Variants in TET2 observed in about 807,000 individuals in gnomAD.
TET2 encodes the protein methylcytosine dioxygenase TET2.
A neutral mutation model predicts 142.9 loss-of-function variants in TET2; 299 were observed. That is an observed-to-expected ratio of 2.09 (90% CI 1.90 to 2.30). The LOEUF is 2.30. TET2 is among the 30% of genes most tolerant of loss of function. The pLI is 0.00. For synonymous variants in TET2, 819 were observed against 849.0 expected, an observed-to-expected ratio of 0.96 and a Z score of 0.61; for missense variants, 2,418 against 2,378.0, an observed-to-expected ratio of 1.02 and a Z score of -0.35.
intron 1 of TET2, among the ~76,000 whole-genome samples, chr4:105,163,821 GA>G (rs1723983888): frequency 2.4e-5 from 2 of 83,424 alleles, no homozygotes; most frequent in Non-Finnish European, 4.6e-5. Context: ...GAGAGAGAGA[GA>G]GAGAGAGAGA....
At chr4:105,160,925 G>A (rs1025319587) in intron 1 of TET2, among the ~76,000 whole-genome samples, 5 of 152,038 alleles carry the variant, frequency 3.3e-5, no homozygotes, top group African/African-American at 9.7e-5. Flanking sequence ...ACAGGCACTC[G>A]CCACCACGCC....
intron 2 of TET2, among the ~76,000 whole-genome samples, chr4:105,220,546 C>G (rs186664385): frequency 1.2e-3 from 182 of 152,272 alleles, no homozygotes; most frequent in Non-Finnish European, 2.0e-3. Context: ...TCCCCTCCCC[C>G]TCTACCGTGA....
chr4:105,176,802 A>G (rs1188187266), intron 1 of TET2, among the ~76,000 whole-genome samples: 1 of 152,174 alleles, frequency 6.6e-6, no homozygotes, highest in African/African-American at 2.4e-5. Context: ...AGAGCAGAAT[A>G]GCCAACTCAG....
At chr4:105,253,990 G>T (rs563171843) in intron 6 of TET2, among the ~76,000 whole-genome samples, 125 of 152,138 alleles carry the variant, frequency 8.2e-4, no homozygotes, top group African/African-American at 2.8e-3. Flanking sequence ...TTCAAATTTT[G>T]AACTAGACTG....
chr4:105,165,940 G>A (rs1724129207), intron 1 of TET2, among the ~76,000 whole-genome samples: 1 of 152,134 alleles, frequency 6.6e-6, no homozygotes, highest in African/African-American at 2.4e-5. Context: ...TGTAAGATGT[G>A]AAAGTTAATA....
In TET2 at chr4:105,236,536, T is replaced by C. The variant is rs1159720228; in HGVS notation, c.2594T>C (p.Met865Thr). 2 of 1,614,030 alleles carry C rather than the reference T, an allele frequency of 1.2e-6. No homozygotes were observed. ...AACAAGACCCAAAACTTGCATCACATGCAATATTTTCCAAATAATGTGATC... is the reference window on the plus strand; with the variant it reads ...AACAAGACCCAAAACTTGCATCACACGCAATATTTTCCAAATAATGTGATC... ...AGNKTQNLHH[M>T]QYFPNNVIPK... The change falls in exon 3 of 11, where the codon ATG (methionine) becomes ACG (threonine). Residue 865 changes from methionine to threonine, a missense_variant. Physicochemically the swap from Met to Thr is moderately conservative, Grantham distance 81 (BLOSUM62 -1). Transcript: ENST00000380013.
chr4:105,152,842 C>T (rs1379969781), intron 1 of TET2, among the ~76,000 whole-genome samples: 1 of 152,116 alleles, frequency 6.6e-6, no homozygotes, highest in African/African-American at 2.4e-5. Flanking sequence ...GGTGATCTGC[C>T]TGCCCGGGTC....
chr4:105,253,423 G>T (rs779049569), intron 6 of TET2, among the ~76,000 whole-genome samples: 13 of 152,046 alleles, frequency 8.6e-5, no homozygotes, highest in Non-Finnish European at 1.8e-4. Flanking sequence ...TTGGGGGGGT[G>T]CTAATGGTAA....
intron 6 of TET2, among the ~76,000 whole-genome samples, chr4:105,252,331 T>C (rs1408153415): frequency 6.6e-6 from 1 of 152,212 alleles, no homozygotes; most frequent in Non-Finnish European, 1.5e-5. Context: ...GCTTTTAAAT[T>C]TTCCACCATG....
chr4:105,225,671 G>T (rs1227268924), intron 2 of TET2, among the ~76,000 whole-genome samples: 2 of 152,112 alleles, frequency 1.3e-5, no homozygotes, highest in Non-Finnish European at 2.9e-5. Flanking sequence ...CATAACCACA[G>T]TTCAGGGCAG....
intron 1 of TET2, among the ~76,000 whole-genome samples, chr4:105,187,531 T>C (rs1725528655): frequency 6.6e-6 from 1 of 152,232 alleles, no homozygotes; most frequent in African/African-American, 2.4e-5. Flanking sequence ...AATTTGTCAT[T>C]TCAGATTCCT....
chr4:105,211,990 A>T (rs1578629062), intron 2 of TET2, among the ~76,000 whole-genome samples: 1 of 152,322 alleles, frequency 6.6e-6, no homozygotes, highest in African/African-American at 2.4e-5. Flanking sequence ...CCTCATATTC[A>T]CCCTGCATAT....
intron 2 of TET2, among the ~76,000 whole-genome samples, chr4:105,232,455 G>C (rs982776311): frequency 2.0e-5 from 3 of 152,176 alleles, no homozygotes; most frequent in Non-Finnish European, 4.4e-5. Context: ...CACAACAGCT[G>C]AACTAGTTTA....
chr4:105,247,371 T>G (rs566555353), intron 6 of TET2, among the ~76,000 whole-genome samples: 1 of 149,600 alleles, frequency 6.7e-6, no homozygotes, highest in Non-Finnish European at 1.5e-5. Context: ...AAAATGATAA[T>G]GAGAAAAAGA....
chr4:105,240,728 T>G (rs2110247022), intron 3 of TET2: 1 of 1,080,376 alleles, frequency 9.3e-7, no homozygotes, highest in South Asian at 4.6e-5. Context: ...CTTTGTTGGT[T>G]TGCAACAGCC....
intron 2 of TET2, among the ~76,000 whole-genome samples, chr4:105,194,133 TA>T (rs1725944819): frequency 6.6e-6 from 1 of 152,104 alleles, no homozygotes; most frequent in African/African-American, 2.4e-5. Context: ...AAAAAAATAA[TA>T]AAAAAGTATT....
At chr4:105,204,833 TA>T (rs1472066256) in intron 2 of TET2, among the ~76,000 whole-genome samples, 1 of 152,174 alleles carries the variant, frequency 6.6e-6, no homozygotes, top group Non-Finnish European at 1.5e-5. Flanking sequence ...TTAGTGTATG[TA>T]TTTTTTTAAA....
intron 1 of TET2, among the ~76,000 whole-genome samples, chr4:105,153,798 G>T (rs1339911927): frequency 1.3e-5 from 2 of 152,142 alleles, no homozygotes; most frequent in African/African-American, 4.8e-5. Flanking sequence ...GGACTATGTA[G>T]AGAAAGTCAT....
At position 105,269,615 on chromosome 4, in the gene TET2, A is replaced by G; in HGVS notation, c.4050A>G (p.Glu1350=). The G allele has an allele frequency of 6.4e-7, 1 of 1,551,552 alleles. No homozygotes were observed. Among genetic ancestry groups the G allele is most frequent in the South Asian group, 1.2e-5 (1 of 84,056 alleles). The change falls in exon 9 of 11, where the codon GAA becomes GAG. Residue 1350 remains glutamate, a synonymous_variant. Coordinates refer to ENST00000380013, the MANE Select transcript of TET2 (RefSeq NM_001127208.3). ...CACACACTTTTATTTTTCAGATTGA[A>G]TATGAACACAGAGCACCAGAGTGCC... The part of the protein sequence containing the change: ...LAPDAYNNQI[E]YEHRAPECRL...
Sources: gnomAD v4.1 joint callset for allele counts (sites outside exome capture counted in the v4.1 genomes callset) on GRCh38, gnomAD v4.1.1 for gene constraint, MANE v1.5 for transcripts, NCBI Gene and HGNC (gene_info 2026-07-23, HGNC 2026-07-21) for gene names.